Variants in SLC35F4 observed in about 807,000 individuals in gnomAD.
SLC35F4 encodes the protein solute carrier family 35 member F4, also known as chromosome 14 open reading frame 36.
SLC35F4 carries 24 observed loss-of-function variants against 44.2 expected under a neutral mutation model. That is an observed-to-expected ratio of 0.54 (90% CI 0.39 to 0.76). SLC35F4 has a LOEUF of 0.76. Among genes scored for constraint, SLC35F4 ranks in the 30% least tolerant of loss-of-function variants. The pLI, the probability that SLC35F4 is intolerant of heterozygous loss-of-function variation, is 0.00. For synonymous variants in SLC35F4, 238 were observed against 223.6 expected, an observed-to-expected ratio of 1.06 and a Z score of -0.57; for missense variants, 562 against 586.1, an observed-to-expected ratio of 0.96 and a Z score of 0.42.
intron 1 of SLC35F4, among the ~76,000 whole-genome samples, chr14:57,682,847 G>A (rs1397041346): frequency 2.6e-5 from 4 of 151,820 alleles, no homozygotes; most frequent in South Asian, 2.1e-4. Context: ...TTATAATACT[G>A]GAAAAATAAT....
At chr14:57,884,187 T>A (rs545614606) in intron 1 of SLC35F4, among the ~76,000 whole-genome samples, 1 of 152,194 alleles carries the variant, frequency 6.6e-6, no homozygotes, top group Admixed American at 6.5e-5. Context: ...ACTATAACTC[T>A]TCTAGACACT....
chr14:57,580,956 T>C (rs1172908031), intron 4 of SLC35F4: 1 of 316,252 alleles, frequency 3.2e-6, no homozygotes, highest in Non-Finnish European at 5.7e-6. Flanking sequence ...TTAATTCTAA[T>C]ATAGGAACTT....
At chr14:57,743,155 G>T (rs940941424) in intron 1 of SLC35F4, among the ~76,000 whole-genome samples, 18 of 152,082 alleles carry the variant, frequency 1.2e-4, no homozygotes, top group African/African-American at 4.3e-4. Flanking sequence ...ACCTCACAAT[G>T]AAAAGAACTA....
At chr14:57,974,273 A>C (rs1881143750), downstream of SLC35F4, among the ~76,000 whole-genome samples, 1 of 152,192 alleles carries the variant, frequency 6.6e-6, no homozygotes, top group South Asian at 2.1e-4. Context: ...ATCTTGGTGC[A>C]GTCAAATTTC....
rs1491518109 is a variant in SLC35F4, at chr14:57,738,787, A to ATATATATATATG, written c.103+126935_103+126936insCATATATATATA. On this transcript the variant is annotated intron_variant, in intron 1 of 7. Coordinates refer to ENST00000556826, the MANE Select transcript of SLC35F4 (RefSeq NM_001306087.2). Reference sequence around the variant, plus strand: ...TATATATATATATATATATATATATAGGCTTCATATGTATACATGTATATA... The same window carrying ATATATATATATG: ...TATATATATATATATATATATATATATATATATATATGGGCTTCATATGTATACATGTATATA... 2.1e-3 allele frequency among the ~76,000 whole-genome samples: 201 copies of ATATATATATATG among 96,878 alleles called. 1 individual carries two copies. Among genetic ancestry groups the ATATATATATATG allele is most frequent in the East Asian group, 5.1e-3 (17 of 3,306 alleles). 63.6% of individuals were successfully genotyped at this position (96,878 alleles called of 152,430 possible).
At chr14:57,646,555 A>C (rs1224119358) in intron 1 of SLC35F4, among the ~76,000 whole-genome samples, 1 of 151,956 alleles carries the variant, frequency 6.6e-6, no homozygotes, top group Non-Finnish European at 1.5e-5. Context: ...TATTTTGTTG[A>C]TCTTTTCAAA....
rs753345515 is a variant in SLC35F4 at position 57,589,512 on chromosome 14, T to C, written c.291A>G (p.Ala97=). 4 of 1,599,206 alleles carry C rather than the reference T, an allele frequency of 2.5e-6. No homozygotes were observed. The South Asian group carries it at 4.5e-5, about 18-fold the overall frequency. The change falls in exon 3 of 8, where the codon GCA becomes GCG. Residue 97 remains alanine, a splice_region_variant and synonymous_variant. Coordinates refer to ENST00000556826, the MANE Select transcript of SLC35F4 (RefSeq NM_001306087.2). ...GHRVERQNRS[A]DDGTQTHSEN... ...CAGAATGAGTCTGTGTCCCATCGTC[T>C]GCTGGAAACAGGAAAGGAATACAAA...
In SLC35F4 at chr14:57,669,043, T is replaced by C. The variant is rs565079246; in HGVS notation, c.104-74919A>G. ...TGTAGTTCTCCTTGAAGAGGGCCTT[T>C]ACATCCCCTGTAAGTTGGATTCCTA... On this transcript the variant is annotated intron_variant, in intron 1 of 7. Coordinates refer to ENST00000556826, the MANE Select transcript of SLC35F4 (RefSeq NM_001306087.2). Among the ~76,000 whole-genome samples the C allele has an allele frequency of 7.9e-5, 12 of 152,192 alleles. No homozygotes were observed. The South Asian group carries it at 1.2e-3, about 16-fold the overall frequency.
chr14:57,874,895 T>C (rs915947951), intron 1 of SLC35F4, among the ~76,000 whole-genome samples: 1 of 152,150 alleles, frequency 6.6e-6, no homozygotes, highest in Admixed American at 6.5e-5. Context: ...GTGAGTTATG[T>C]TTCTGGTGTA....
At chr14:57,848,485 G>A (rs776653709) in intron 1 of SLC35F4, among the ~76,000 whole-genome samples, 1 of 152,168 alleles carries the variant, frequency 6.6e-6, no homozygotes, top group African/African-American at 2.4e-5. Flanking sequence ...AGCCTTCTAT[G>A]AGCCAAGGGA....
intron 1 of SLC35F4, among the ~76,000 whole-genome samples, chr14:57,768,475 A>G (rs2077284710): frequency 6.6e-6 from 1 of 152,180 alleles, no homozygotes; most frequent in Admixed American, 6.5e-5. Context: ...AGCAAAATAT[A>G]CTGGGGGTGA....
chr14:57,675,344 G>A (rs11846162), intron 1 of SLC35F4, among the ~76,000 whole-genome samples: 35,353 of 151,896 alleles, frequency 0.23, 4,176 homozygotes, highest in South Asian at 0.31. Flanking sequence ...CCTACTATCC[G>A]CAATTTACTT....
intron 1 of SLC35F4, among the ~76,000 whole-genome samples, chr14:57,904,211 G>A (rs1889066086): frequency 6.6e-6 from 1 of 152,164 alleles, no homozygotes; most frequent in Non-Finnish European, 1.5e-5. Flanking sequence ...CAACATCTCT[G>A]GAAGGTGTAT....
intron 1 of SLC35F4, among the ~76,000 whole-genome samples, chr14:57,823,327 T>C (rs1340088593): frequency 6.6e-6 from 1 of 152,190 alleles, no homozygotes; most frequent in African/African-American, 2.4e-5. Flanking sequence ...CTCCTCACAA[T>C]ATTGTGATCA....
chr14:57,804,309 C>A (rs1240386663), intron 1 of SLC35F4, among the ~76,000 whole-genome samples: 3 of 152,074 alleles, frequency 2.0e-5, no homozygotes, highest in African/African-American at 7.2e-5. Flanking sequence ...GCCTGAATAC[C>A]AAAGACAGTC....
chr14:57,841,772 A>G (rs796560392), intron 1 of SLC35F4, among the ~76,000 whole-genome samples: 7 of 152,306 alleles, frequency 4.6e-5, no homozygotes, highest in Non-Finnish European at 1.0e-4. Context: ...GAGTAAACAC[A>G]TTGTGCAAGA....
intron 1 of SLC35F4, among the ~76,000 whole-genome samples, chr14:57,921,370 G>T (rs1889439981): frequency 6.6e-6 from 1 of 152,122 alleles, no homozygotes; most frequent in African/African-American, 2.4e-5. Context: ...GCTAAACCTG[G>T]GCTTCATCCT....
intron 3 of SLC35F4, among the ~76,000 whole-genome samples, chr14:57,588,168 A>C (rs1169040391): frequency 6.6e-6 from 1 of 152,220 alleles, no homozygotes; most frequent in Non-Finnish European, 1.5e-5. Flanking sequence ...CTCTGTCTCA[A>C]ATGGAAATGG....
intron 1 of SLC35F4, among the ~76,000 whole-genome samples, chr14:57,791,992 A>G (rs2077931636): frequency 6.6e-6 from 1 of 152,108 alleles, no homozygotes; most frequent in African/African-American, 2.4e-5. Flanking sequence ...GAGGGATAGC[A>G]TTAGAGAAAT....
Sources: allele counts gnomAD v4.1 joint callset (sites outside exome capture counted in the v4.1 genomes callset), GRCh38; gene constraint gnomAD v4.1.1; transcripts MANE v1.5; gene names NCBI Gene and HGNC (gene_info 2026-07-23, HGNC 2026-07-21).